The following XIRP2 variants were observed in gnomAD, a reference collection of about 807,000 sequenced individuals.
XIRP2 encodes the protein xin actin-binding repeat-containing protein 2.
XIRP2 carries 236 observed loss-of-function variants against 277.0 expected under a neutral mutation model. That is an observed-to-expected ratio of 0.85 (90% CI 0.77 to 0.95). XIRP2 has a LOEUF of 0.95. Among genes scored for constraint, XIRP2 ranks in the 40% least tolerant of loss-of-function variants. The pLI is 0.00. For missense variants in XIRP2, 4,640 were observed against 4,157.5 expected (o/e 1.12, Z -3.19); for synonymous variants, 1,490 against 1,416.5 (o/e 1.05, Z -1.17).
At chr2:167,057,998 T>C (rs1689079153) in intron 2 of XIRP2, among the ~76,000 whole-genome samples, 1 of 147,454 alleles carries the variant, frequency 6.8e-6, no homozygotes, top group East Asian at 2.0e-4. Flanking sequence ...CTTCCCGTTA[T>C]GCATGTTTTA....
At chr2:167,057,432 T>C (rs1490092664) in intron 2 of XIRP2, among the ~76,000 whole-genome samples, 1 of 152,154 alleles carries the variant, frequency 6.6e-6, no homozygotes, top group African/African-American at 2.4e-5. Context: ...CATTGTGACT[T>C]CTAGATAATA....
At chr2:166,941,162 G>T (rs1685701811) in intron 2 of XIRP2, among the ~76,000 whole-genome samples, 1 of 152,148 alleles carries the variant, frequency 6.6e-6, no homozygotes, top group African/African-American at 2.4e-5. Flanking sequence ...CCCTCCCCCA[G>T]CCTCACTGCC....
intron 2 of XIRP2, among the ~76,000 whole-genome samples, chr2:167,003,981 C>G (rs909610765): frequency 2.0e-5 from 3 of 151,632 alleles, no homozygotes; most frequent in Non-Finnish European, 4.4e-5. Context: ...TTTAAATTAT[C>G]GAGTTAAAAT....
Position 167,182,489 on chromosome 2 carries a change from G to A in XIRP2, c.563-28246G>A, listed in dbSNP as rs571678168. 5.9e-5 allele frequency among the ~76,000 whole-genome samples: 9 copies of A among 152,220 alleles called. No homozygotes were observed. The East Asian group carries it at 1.5e-3, about 26-fold the overall frequency. The stretch of plus-strand genomic sequence containing the variant: ...GGCCTACACTAAGAATTTATTATGG[G>A]GAAGAGTTGATCCCTCTCAAAACAT... On this transcript the variant is annotated intron_variant, in intron 3 of 10. Transcript: ENST00000409195.
chr2:167,143,973 TA>T (rs996571602), intron 3 of XIRP2, among the ~76,000 whole-genome samples: 31 of 152,248 alleles, frequency 2.0e-4, no homozygotes, highest in Non-Finnish European at 3.7e-4. Flanking sequence ...TACTTTTATT[TA>T]AAATGTCTAT....
intron 2 of XIRP2, among the ~76,000 whole-genome samples, chr2:166,970,340 T>C (rs1686547925): frequency 6.6e-6 from 1 of 152,046 alleles, no homozygotes; most frequent in Non-Finnish European, 1.5e-5. Context: ...TTGAAAATCA[T>C]TATAATTTAC....
At chr2:167,083,780 G>A (rs537422706) in intron 2 of XIRP2, among the ~76,000 whole-genome samples, 19 of 152,048 alleles carry the variant, frequency 1.2e-4, no homozygotes, top group African/African-American at 2.2e-4. Context: ...TGATTTTTGT[G>A]CATTGATTTT....
In XIRP2 at chr2:167,245,103, A is replaced by G. The variant is rs775711730; in HGVS notation, c.3711A>G (p.Leu1237=). The G allele has an allele frequency of 6.2e-7, 1 of 1,610,334 alleles. No homozygotes were observed. The highest frequency in any genetic ancestry group is 8.5e-7 in the Non-Finnish European group (1 of 1,178,980). The change falls in exon 9 of 11, where the codon TTA becomes TTG. Residue 1237 remains leucine, a synonymous_variant. Transcript: ENST00000409195. Reference sequence around the variant, plus strand: ...AAGATATTCAGAAAGGCAATGTTTTAAATTGTAGGTGGCTTTTTGAAAACC... The same window carrying G: ...AAGATATTCAGAAAGGCAATGTTTTGAATTGTAGGTGGCTTTTTGAAAACC... ...KTEDIQKGNV[L]NCRWLFENQP... is the part of the protein sequence containing the mutation.
chr2:166,910,209 C>CTCCT (rs1245208829), intron 2 of XIRP2, among the ~76,000 whole-genome samples: 1 of 152,138 alleles, frequency 6.6e-6, no homozygotes, highest in Non-Finnish European at 1.5e-5. Context: ...CCTTGTACCT[C>CTCCT]TGGTAGAATT....
chr2:167,114,368 A>C (rs1463176520), intron 2 of XIRP2, among the ~76,000 whole-genome samples: 1 of 152,076 alleles, frequency 6.6e-6, no homozygotes, highest in African/African-American at 2.4e-5. Context: ...TCAGAAAGTC[A>C]GTTTTCAAGC....
At chr2:166,966,491 T>C (rs1460229876) in intron 2 of XIRP2, among the ~76,000 whole-genome samples, 2 of 151,942 alleles carry the variant, frequency 1.3e-5, no homozygotes, top group African/African-American at 4.8e-5. Context: ...TATATGTTTA[T>C]ATAGACAGCA....
intron 2 of XIRP2, among the ~76,000 whole-genome samples, chr2:167,043,594 G>T (rs972935210): frequency 6.6e-6 from 1 of 151,970 alleles, no homozygotes; most frequent in African/African-American, 2.4e-5. Flanking sequence ...AAACCTAGAA[G>T]AAATAGATAA....
At chr2:166,958,066 G>T (rs897272754) in intron 2 of XIRP2, among the ~76,000 whole-genome samples, 2 of 151,814 alleles carry the variant, frequency 1.3e-5, no homozygotes, top group Non-Finnish European at 2.9e-5. Flanking sequence ...TCTAAGAGTG[G>T]TTTATATTTG....
intron 2 of XIRP2, among the ~76,000 whole-genome samples, chr2:166,926,175 T>C (rs1685184040): frequency 6.6e-6 from 1 of 152,106 alleles, no homozygotes; most frequent in East Asian, 1.9e-4. Context: ...TTCTATACTA[T>C]TCTTTCTTAT....
chr2:167,185,363 A>C (rs1326220405), intron 3 of XIRP2, among the ~76,000 whole-genome samples: 2 of 152,096 alleles, frequency 1.3e-5, no homozygotes, highest in African/African-American at 4.8e-5. Flanking sequence ...TAATATATAC[A>C]TTAGAAAATT....
chr2:166,911,430 AC>A (rs1352180845), intron 2 of XIRP2, among the ~76,000 whole-genome samples: 1 of 151,804 alleles, frequency 6.6e-6, no homozygotes, highest in Non-Finnish European at 1.5e-5. Context: ...TAGGATTGCA[AC>A]CCCTGCCTTT....
chr2:167,068,617 TC>T (rs1326716711), intron 2 of XIRP2, among the ~76,000 whole-genome samples: 3 of 151,862 alleles, frequency 2.0e-5, no homozygotes, highest in Admixed American at 2.0e-4. Context: ...CTTTTTTTTT[TC>T]CTTTTTTAAA....
intron 2 of XIRP2, among the ~76,000 whole-genome samples, chr2:166,984,719 T>C (rs1686957937): frequency 6.6e-6 from 1 of 152,200 alleles, no homozygotes; most frequent in South Asian, 2.1e-4. Flanking sequence ...CTAATGATTA[T>C]GAAAACACTG....
At chr2:166,944,282 G>A (rs1685795788) in intron 2 of XIRP2, among the ~76,000 whole-genome samples, 1 of 152,160 alleles carries the variant, frequency 6.6e-6, no homozygotes, top group Non-Finnish European at 1.5e-5. Context: ...GAGAAAAGAA[G>A]CAATTATGGT....
Sources: gnomAD v4.1 joint callset for allele counts (sites outside exome capture counted in the v4.1 genomes callset) on GRCh38, gnomAD v4.1.1 for gene constraint, MANE v1.5 for transcripts, NCBI Gene and HGNC (gene_info 2026-07-23, HGNC 2026-07-21) for gene names.